LRP2: variants seen among roughly 807,000 people sequenced by gnomAD.
LRP2 encodes the protein LDL receptor related protein 2.
Under a neutral mutation model 531.0 loss-of-function variants are expected in LRP2, and 172 were observed. The observed-to-expected ratio is 0.32, with a 90% CI of 0.29 to 0.37. The LOEUF is 0.37. Ranked by LOEUF, LRP2 falls within the 10% of genes least tolerant of loss-of-function variation. The pLI is 1.00. For missense variants in LRP2, 5,167 were observed against 5,868.3 expected, an observed-to-expected ratio of 0.88 and a Z score of 3.90; for synonymous variants, 1,992 against 2,027.6, an observed-to-expected ratio of 0.98 and a Z score of 0.47.
chr2:169,135,548 A>G (rs897440745), intron 76 of LRP2, among the ~76,000 whole-genome samples: 65 of 152,102 alleles, frequency 4.3e-4, no homozygotes, highest in African/African-American at 1.4e-3. Flanking sequence ...CTTGGTATTC[A>G]GTGGAACCTT....
chr2:169,270,791 T>TAAATAAATAAAA (rs1325736906), intron 16 of LRP2, 113 bp downstream of exon 16: 2 of 482,110 alleles, frequency 4.1e-6, no homozygotes, highest in South Asian at 5.1e-5. Context: ...AATAAATAAA[T>TAAATAAATAAAA]AAGACTGCTT....
chr2:169,165,198 C>T (rs1344004350), intron 62 of LRP2, among the ~76,000 whole-genome samples: 1 of 152,118 alleles, frequency 6.6e-6, no homozygotes, highest in Non-Finnish European at 1.5e-5. Flanking sequence ...TCTTAATTTT[C>T]CCAGATAATG....
At chr2:169,347,582 T>C (rs192006451) in intron 1 of LRP2, among the ~76,000 whole-genome samples, 107 of 142,616 alleles carry the variant, frequency 7.5e-4, no homozygotes, top group Non-Finnish European at 9.1e-4. Flanking sequence ...CACATAATTA[T>C]AGAGGGAAAA....
intron 60 of LRP2, among the ~76,000 whole-genome samples, chr2:169,169,149 A>G (rs1303006217): frequency 6.6e-6 from 1 of 152,334 alleles, no homozygotes; most frequent in East Asian, 1.9e-4. Context: ...GAAAGATCAG[A>G]CAGTTACTGT....
At chr2:169,325,462 G>T (rs1356860322) in intron 1 of LRP2, among the ~76,000 whole-genome samples, 1 of 152,010 alleles carries the variant, frequency 6.6e-6, no homozygotes, top group South Asian at 2.1e-4. Flanking sequence ...GATTCCTTTG[G>T]TATGGATAGA....
intron 1 of LRP2, among the ~76,000 whole-genome samples, chr2:169,348,719 G>A (rs1685762258): frequency 6.6e-6 from 1 of 152,088 alleles, no homozygotes; most frequent in South Asian, 2.1e-4. Context: ...ATTCTCACAG[G>A]GTAACCAAGT....
intron 50 of LRP2, among the ~76,000 whole-genome samples, chr2:169,183,214 G>C (rs1687504632): frequency 6.6e-6 from 1 of 152,234 alleles, no homozygotes; most frequent in Non-Finnish European, 1.5e-5. Context: ...TTTGCAACAA[G>C]TACGCGCTTA....
intron 29 of LRP2, among the ~76,000 whole-genome samples, chr2:169,234,445 C>T (rs550871793): frequency 3.3e-5 from 5 of 152,294 alleles, no homozygotes; most frequent in South Asian, 2.1e-4. Context: ...TGGTTTCCAG[C>T]TTCATCCATA....
At chr2:169,203,527 G>A (rs764371746) in intron 42 of LRP2, among the ~76,000 whole-genome samples, 15 of 152,162 alleles carry the variant, frequency 9.9e-5, no homozygotes, top group Non-Finnish European at 2.1e-4. Context: ...TTGGGAGGCC[G>A]AGGTGGGCAA....
In LRP2 at chr2:169,205,543, C is replaced by G. The variant is rs1688346463; in HGVS notation, c.7651G>C (p.Val2551Leu). ...TCCAGAGTCAGCCCACTGGGCATGACCAGACTGCTGTTCACAATGGGTACG... is the reference window on the plus strand; with the variant it reads ...TCCAGAGTCAGCCCACTGGGCATGAGCAGACTGCTGTTCACAATGGGTACG... ...FRVPIVNSSLVMPSGLTLDYE... is the reference protein window; with the variant it reads ...FRVPIVNSSLLMPSGLTLDYE... The change falls in exon 41 of 79, where the codon GTC (valine) becomes CTC (leucine). Residue 2551 changes from valine (V) to leucine (L), a missense_variant. By Grantham distance (32) the Val-to-Leu change is conservative (BLOSUM62 1). Transcript: ENST00000649046. The G allele has an allele frequency of 1.2e-6, 2 of 1,613,996 alleles. No individual in the cohort carries two copies. Among genetic ancestry groups the G allele is most frequent in the Non-Finnish European group, 1.7e-6 (2 of 1,180,006 alleles).
At position 169,146,876 on chromosome 2, in the gene LRP2, A is replaced by G; in HGVS notation, c.12674T>C (p.Phe4225Ser). ...MNGEDRNILV[F>S]EDLGWPTGLS... ...GCCAGTTGGCCAACCAAGGTCCTCG[A>G]AAACCAGGATGTTGCGGTCCTCTCC... The change falls in exon 69 of 79, where the codon TTC becomes TCC. Residue 4225 changes from phenylalanine (F) to serine (S), a missense_variant. Physicochemically the swap from Phe to Ser is radical, Grantham distance 155. Transcript: ENST00000649046. The G allele has an allele frequency of 1.2e-6, 2 of 1,614,192 alleles. No individual in the cohort carries two copies. Among genetic ancestry groups the G allele is most frequent in the Non-Finnish European group, 1.7e-6 (2 of 1,180,032 alleles).
rs141068435 is a variant in LRP2 at position 169,235,957 on chromosome 2, G to A, written c.4803C>T (p.Cys1601=). Residue 1601 remains cysteine (C), a synonymous_variant, in exon 29 of 79, where the codon TGC becomes TGT. Coordinates refer to ENST00000649046, the MANE Select transcript of LRP2 (RefSeq NM_004525.3). ...VIVQDKIFWP[C]GLTIDYPNRL... is the part of the protein sequence containing the mutation. Reference sequence around the variant, plus strand: ...TGTTGGGGTAGTCAATAGTTAAGCCGCAGGGCCAGAAGATCTTGTCCTGGA... The same window carrying A: ...TGTTGGGGTAGTCAATAGTTAAGCCACAGGGCCAGAAGATCTTGTCCTGGA... 8.3e-4 allele frequency: 1,337 copies of A among 1,614,150 alleles called. 3 individuals are homozygous for A. The highest frequency in any genetic ancestry group is 2.0e-3 in the South Asian group (180 of 91,088).
At chr2:169,242,641 A>G (rs944580664) in intron 24 of LRP2, among the ~76,000 whole-genome samples, 2 of 152,218 alleles carry the variant, frequency 1.3e-5, no homozygotes, top group Non-Finnish European at 2.9e-5. Flanking sequence ...TATGGAGTAG[A>G]GCCTCAAAAG....
chr2:169,280,981 G>C (rs831006), intron 10 of LRP2, among the ~76,000 whole-genome samples: 83,047 of 152,028 alleles, frequency 0.55, 24,095 homozygotes, highest in East Asian at 0.89. Context: ...CTGTTTACTC[G>C]CAGGTATGCA....
chr2:169,304,113 C>A (rs1184678565), intron 4 of LRP2, among the ~76,000 whole-genome samples: 1 of 152,156 alleles, frequency 6.6e-6, no homozygotes, highest in East Asian at 1.9e-4. Context: ...TCTGTTTCAG[C>A]TGACTTTTAT....
intron 36 of LRP2, among the ~76,000 whole-genome samples, 155 bp from the exon 37 acceptor site, chr2:169,212,362 A>T (rs1220931590): frequency 1.3e-5 from 2 of 152,212 alleles, no homozygotes; most frequent in Non-Finnish European, 2.9e-5. Context: ...CATCGGAGAG[A>T]CTAGAGCTTA....
At position 169,128,509 on chromosome 2, in the gene LRP2, G is replaced by A; in HGVS notation, c.*154C>T. On this transcript the variant is annotated 3_prime_UTR_variant, in exon 79 of 79. Coordinates refer to ENST00000649046, the MANE Select transcript of LRP2 (RefSeq NM_004525.3). ...TTTGTAAAAATATGAGACGGCATAA[G>A]TAAAAAAAGACACACAGGATACCTC... is the stretch of plus-strand genomic sequence containing the variant. 1.5e-6 allele frequency: 1 copy of A among 682,392 alleles called. No individual in the cohort carries two copies. Among genetic ancestry groups the A allele is most frequent in the Non-Finnish European group, 2.5e-6 (1 of 399,134 alleles). 42.3% of individuals were successfully genotyped at this position (682,392 alleles called of 1,614,324 possible).
intron 1 of LRP2, among the ~76,000 whole-genome samples, chr2:169,326,211 C>T (rs1454214028): frequency 7.5e-5 from 9 of 120,458 alleles, no homozygotes; most frequent in Admixed American, 1.7e-4. Flanking sequence ...CCCCTCTCCC[C>T]TCTCCCTCTC....
At position 169,238,421 on chromosome 2, in the gene LRP2, G is replaced by T. The variant is rs1689684299; in HGVS notation, c.4295-119C>A. 6.8e-6 allele frequency: 5 copies of T among 736,528 alleles called. No homozygotes were observed. The Admixed American group carries it at 1.1e-4, about 16-fold the overall frequency. The allele number at this position is 736,528 out of a possible 1,614,324, so 45.6% of individuals were successfully genotyped here. On this transcript the variant is annotated intron_variant, in intron 26 of 78. Transcript: ENST00000649046. ...AAAGAAGGTGTAATTCCAAACTATA[G>T]TAAGTTGGTGGGGAGGGGAGGAAGC...
Sources: gnomAD v4.1 joint callset for allele counts (sites outside exome capture counted in the v4.1 genomes callset) on GRCh38, gnomAD v4.1.1 for gene constraint, MANE v1.5 for transcripts, NCBI Gene and HGNC (gene_info 2026-07-23, HGNC 2026-07-21) for gene names.